The following ST6GALNAC3 variants were observed in gnomAD, a reference collection of about 807,000 sequenced individuals.
ST6GALNAC3 encodes ST6 N-acetylgalactosaminide alpha-2,6-sialyltransferase 3.
ST6GALNAC3 carries 25 observed loss-of-function variants against 32.7 expected under a neutral mutation model. The ratio of observed to expected loss-of-function variants is 0.76; its 90% confidence interval spans 0.56 to 1.07. The LOEUF is 1.07. Ranked by LOEUF, ST6GALNAC3 falls within the 50% of genes least tolerant of loss-of-function variation. The probability of loss-of-function intolerance (pLI) is 0.00; values close to 1 mark genes in which losing one functional copy is unlikely to be tolerated. For missense variants in ST6GALNAC3, 355 were observed against 382.4 expected (o/e 0.93, Z 0.60); for synonymous variants, 129 against 133.1 (o/e 0.97, Z 0.21).
intron 1 of ST6GALNAC3, among the ~76,000 whole-genome samples, chr1:76,305,567 G>C (rs1238109287): frequency 6.6e-6 from 1 of 152,056 alleles, no homozygotes; most frequent in Non-Finnish European, 1.5e-5. Flanking sequence ...TTGGGAAGTG[G>C]TAAAGACTCT....
chr1:76,257,845 C>T (rs879748019), intron 1 of ST6GALNAC3, among the ~76,000 whole-genome samples: 14 of 152,172 alleles, frequency 9.2e-5, no homozygotes, highest in East Asian at 1.9e-4. Context: ...TATTTTTGTC[C>T]GGTATCTTTA....
chr1:76,149,571 A>G (rs939459312), intron 1 of ST6GALNAC3, among the ~76,000 whole-genome samples: 1 of 152,256 alleles, frequency 6.6e-6, no homozygotes, highest in African/African-American at 2.4e-5. Flanking sequence ...AATCAAAGCT[A>G]TTAATGTATC....
intron 3 of ST6GALNAC3, among the ~76,000 whole-genome samples, chr1:76,420,911 A>C (rs914550115): frequency 2.0e-5 from 3 of 152,052 alleles, no homozygotes; most frequent in Non-Finnish European, 4.4e-5. Context: ...TCGTAGGGTT[A>C]TGGACTTCCT....
At chr1:76,206,408 C>T (rs1238082214) in intron 1 of ST6GALNAC3, among the ~76,000 whole-genome samples, 2 of 152,118 alleles carry the variant, frequency 1.3e-5, no homozygotes, top group Non-Finnish European at 2.9e-5. Flanking sequence ...AGGCAGTTGA[C>T]AATATTTCCT....
intron 1 of ST6GALNAC3, among the ~76,000 whole-genome samples, chr1:76,134,871 G>A (rs1343014622): frequency 1.3e-5 from 2 of 152,294 alleles, no homozygotes; most frequent in South Asian, 2.1e-4. Context: ...GGCCAGGTGC[G>A]GTGGCTCACG....
rs116184522 is a variant in ST6GALNAC3, at chr1:76,338,673, G to C, written c.213+24674G>C. On this transcript the variant is annotated intron_variant, in intron 2 of 4. Coordinates refer to ENST00000328299, the MANE Select transcript of ST6GALNAC3 (RefSeq NM_152996.4). ...AGGCCAAGGATGATGCTGATGCTAA[G>C]TAGACCTACAAAGCAAAAGATGGCC... 5.3e-3 allele frequency among the ~76,000 whole-genome samples: 808 copies of C among 152,264 alleles called. 6 individuals are homozygous for C. The highest frequency in any genetic ancestry group is 0.019 in the African/African-American group (788 of 41,538).
At position 76,455,102 on chromosome 1, in the gene ST6GALNAC3, A is replaced by AC. The variant is rs1553120057; in HGVS notation, c.623+42685_623+42686insC. 1.5e-3 allele frequency among the ~76,000 whole-genome samples: 235 copies of AC among 151,846 alleles called. 2 individuals are homozygous for AC. Among genetic ancestry groups the AC allele is most frequent in the African/African-American group, 5.5e-3 (227 of 41,408 alleles). On this transcript the variant is annotated intron_variant, in intron 3 of 4. Coordinates refer to ENST00000328299, the MANE Select transcript of ST6GALNAC3 (RefSeq NM_152996.4). ...TTGACTTTTTAATACTCATCTGTTA[A>AC]TTTTTTTATTTTCAACACTACTTTT...
At chr1:76,455,715 C>T (rs1238412888) in intron 3 of ST6GALNAC3, among the ~76,000 whole-genome samples, 1 of 152,168 alleles carries the variant, frequency 6.6e-6, no homozygotes, top group African/African-American at 2.4e-5. Flanking sequence ...TAGGTATTGA[C>T]TTTCAACCAG....
chr1:76,456,641 A>G (rs908749235), intron 3 of ST6GALNAC3, among the ~76,000 whole-genome samples: 4 of 152,250 alleles, frequency 2.6e-5, no homozygotes, highest in African/African-American at 7.2e-5. Flanking sequence ...GGCCTTTGAC[A>G]AAATTTAACA....
At chr1:76,556,122 T>A (rs1664907820) in intron 3 of ST6GALNAC3, among the ~76,000 whole-genome samples, 1 of 152,178 alleles carries the variant, frequency 6.6e-6, no homozygotes, top group Non-Finnish European at 1.5e-5. Context: ...AATGGAATCA[T>A]ACAGTACGTG....
intron 3 of ST6GALNAC3, among the ~76,000 whole-genome samples, chr1:76,609,217 CTG>C (rs1453180434): frequency 8.5e-5 from 13 of 152,050 alleles, no homozygotes; most frequent in African/African-American, 1.9e-4. Context: ...TATAATATTT[CTG>C]TTTCTTCTCA....
At chr1:76,125,273 C>T (rs1354132106) in intron 1 of ST6GALNAC3, among the ~76,000 whole-genome samples, 3 of 152,308 alleles carry the variant, frequency 2.0e-5, no homozygotes, top group Admixed American at 2.0e-4. Flanking sequence ...CTCACCCCCT[C>T]CTCCTTACCT....
At chr1:76,192,263 C>T (rs2100508481) in intron 1 of ST6GALNAC3, among the ~76,000 whole-genome samples, 1 of 152,252 alleles carries the variant, frequency 6.6e-6, no homozygotes, top group Non-Finnish European at 1.5e-5. Flanking sequence ...TCTTCAAAAT[C>T]CATTATCCTC....
At position 76,210,777 on chromosome 1, in the gene ST6GALNAC3, C is replaced by T. The variant is rs1016753364; in HGVS notation, c.19-103028C>T. Among the ~76,000 whole-genome samples the T allele has an allele frequency of 5.9e-5, 9 of 152,120 alleles. No homozygotes were observed. The South Asian group carries it at 1.2e-3, about 21-fold the overall frequency. ...TATTTATTTTTTTGAGATAGGGTCTCGCTCTGTTGCCCAGGCTGGAGTCCA... is the reference window on the plus strand; with the variant it reads ...TATTTATTTTTTTGAGATAGGGTCTTGCTCTGTTGCCCAGGCTGGAGTCCA... On this transcript the variant is annotated intron_variant, in intron 1 of 4. Transcript: ENST00000328299.
chr1:76,269,947 C>T (rs1658741763), intron 1 of ST6GALNAC3, among the ~76,000 whole-genome samples: 1 of 151,952 alleles, frequency 6.6e-6, no homozygotes, highest in Non-Finnish European at 1.5e-5. Context: ...TCTTTTTCAC[C>T]CTAATGTGAA....
At chr1:76,374,204 G>T (rs1439243788) in intron 2 of ST6GALNAC3, among the ~76,000 whole-genome samples, 1 of 152,164 alleles carries the variant, frequency 6.6e-6, no homozygotes, top group Non-Finnish European at 1.5e-5. Context: ...TAAGAAGTCT[G>T]CTCAATGTGC....
At chr1:76,111,262 A>C (rs1447508321) in intron 1 of ST6GALNAC3, among the ~76,000 whole-genome samples, 1 of 151,934 alleles carries the variant, frequency 6.6e-6, no homozygotes, top group Non-Finnish European at 1.5e-5. Flanking sequence ...GCTTGTATGG[A>C]AATAAAATAT....
chr1:76,534,415 G>T (rs888061142), intron 3 of ST6GALNAC3, among the ~76,000 whole-genome samples: 2 of 152,034 alleles, frequency 1.3e-5, no homozygotes, highest in East Asian at 3.9e-4. Flanking sequence ...TTAACTCTTC[G>T]CTGTCTTCAT....
chr1:76,303,492 A>T lies in ST6GALNAC3; in HGVS notation c.19-10313A>T, dbSNP rs557893629. 3.9e-5 allele frequency among the ~76,000 whole-genome samples: 6 copies of T among 152,138 alleles called. No individual in the cohort carries two copies. In the East Asian group the frequency reaches 9.7e-4, roughly 25 times the overall value. On this transcript the variant is annotated intron_variant, in intron 1 of 4. Transcript: ENST00000328299. ...CTCATTAGTGTAACTTGACCACCTG[A>T]GTCTACCGGTACACCCCTGGTGAGA...
Sources: allele counts gnomAD v4.1 joint callset (sites outside exome capture counted in the v4.1 genomes callset), GRCh38; gene constraint gnomAD v4.1.1; transcripts MANE v1.5; gene names NCBI Gene and HGNC (gene_info 2026-07-23, HGNC 2026-07-21).